Variants in ZNF280D observed in about 807,000 individuals in gnomAD.
ZNF280D encodes suppressor of hairy wing homolog 4.
In ZNF280D, 39 loss-of-function variants were observed where a neutral mutation model predicts 94.7. The ratio of observed to expected loss-of-function variants is 0.41; its 90% confidence interval spans 0.32 to 0.54. The LOEUF (loss-of-function observed/expected upper bound fraction) is 0.54. ZNF280D is among the 20% of genes least tolerant of loss of function. The probability of loss-of-function intolerance (pLI) is 0.22; values close to 1 mark genes in which losing one functional copy is unlikely to be tolerated. For missense variants in ZNF280D, 1,090 were observed against 1,149.3 expected (o/e 0.95, Z 0.75); for synonymous variants, 398 against 377.6 (o/e 1.05, Z -0.63).
chr15:56,649,982 T>C (rs909845666), intron 19 of ZNF280D, among the ~76,000 whole-genome samples: 1 of 152,088 alleles, frequency 6.6e-6, no homozygotes, highest in African/African-American at 2.4e-5. Flanking sequence ...TCTCTTCTGA[T>C]ACAGCATTTC....
chr15:56,678,258 T>C lies in ZNF280D; in HGVS notation c.1162+406A>G, dbSNP rs148864906. Among the ~76,000 whole-genome samples, 797 of 152,280 alleles carry C rather than the reference T, an allele frequency of 5.2e-3. 12 individuals are homozygous for C. Among genetic ancestry groups the C allele is most frequent in the African/African-American group, 0.018 (761 of 41,560 alleles). On this transcript the variant is annotated intron_variant, in intron 11 of 21. Coordinates refer to ENST00000267807, the MANE Select transcript of ZNF280D (RefSeq NM_017661.4). Reference sequence around the variant, plus strand: ...CCTGGCCTCAAGTGATCTGCCCACATTGGCCTCCCAAAGTGCTGACTGGGA... The same window carrying C: ...CCTGGCCTCAAGTGATCTGCCCACACTGGCCTCCCAAAGTGCTGACTGGGA...
intron 1 of ZNF280D, among the ~76,000 whole-genome samples, chr15:56,714,772 A>C (rs1384524320): frequency 6.6e-6 from 1 of 152,206 alleles, no homozygotes; most frequent in Non-Finnish European, 1.5e-5. Flanking sequence ...AGCCAAAACA[A>C]TTCTCCAAGT....
rs2058211693 is a variant in ZNF280D at position 56,719,300 on chromosome 15, G to C, written c.-85-11994C>G. Among the ~76,000 whole-genome samples, 7 of 151,414 alleles carry C rather than the reference G, an allele frequency of 4.6e-5. No homozygotes were observed. The South Asian group carries it at 1.5e-3, about 31-fold the overall frequency. On this transcript the variant is annotated intron_variant, in intron 1 of 21. Coordinates refer to ENST00000267807, the MANE Select transcript of ZNF280D (RefSeq NM_017661.4). ...CCTCACGGTAATGAGTGAGTTTTCA[G>C]TCTATTAGTTCCCACAAGAAATGGT...
Position 56,723,212 on chromosome 15 carries a change from AAAACTT to A in ZNF280D, c.-86+10240_-86+10245del. The stretch of plus-strand genomic sequence containing the variant: ...CCTGCACAATGTGCACATGTACCCT[AAAACTT>A]AAAGTATAATAATAAAAAAATAAAT... On this transcript the variant is annotated intron_variant, in intron 1 of 21. Transcript: ENST00000267807. Among the ~76,000 whole-genome samples the A allele has an allele frequency of 2.0e-5, 3 of 148,298 alleles. No individual in the cohort carries two copies. The South Asian group carries it at 6.5e-4, about 32-fold the overall frequency.
At chr15:56,683,210 A>T (rs2055755532) in intron 9 of ZNF280D, among the ~76,000 whole-genome samples, 1 of 152,162 alleles carries the variant, frequency 6.6e-6, no homozygotes, top group African/African-American at 2.4e-5. Flanking sequence ...TCTATAAAAG[A>T]GCTGAATAAT....
intron 16 of ZNF280D, among the ~76,000 whole-genome samples, chr15:56,658,978 T>C (rs1300670055): frequency 6.6e-6 from 1 of 152,030 alleles, no homozygotes; most frequent in Non-Finnish European, 1.5e-5. Flanking sequence ...CTGTTTACCA[T>C]CTGTAAATTC....
At chr15:56,665,042 GA>G (rs200691842) in intron 16 of ZNF280D, among the ~76,000 whole-genome samples, 7 of 150,294 alleles carry the variant, frequency 4.7e-5, no homozygotes, top group Admixed American at 3.3e-4. Context: ...GTAGTTTCAA[GA>G]AAAAAAAAGA....
chr15:56,668,568 GA>G (rs2054457715), intron 14 of ZNF280D, among the ~76,000 whole-genome samples: 1 of 151,926 alleles, frequency 6.6e-6, no homozygotes, highest in Admixed American at 6.6e-5. Flanking sequence ...ATAAAATATT[GA>G]AACAACCCAT....
At chr15:56,712,715 T>C (rs1397752659) in intron 1 of ZNF280D, among the ~76,000 whole-genome samples, 2 of 148,068 alleles carry the variant, frequency 1.4e-5, no homozygotes, top group Admixed American at 6.8e-5. Flanking sequence ...AACACAAAAG[T>C]GATTATGAGG....
chr15:56,632,854 T>C (rs2052151571), intron 21 of ZNF280D, among the ~76,000 whole-genome samples: 1 of 152,096 alleles, frequency 6.6e-6, no homozygotes, highest in African/African-American at 2.4e-5. Context: ...CAGATAAGCA[T>C]TCAAACATAT....
chr15:56,729,688 A>G (rs1173880835), intron 1 of ZNF280D: 2 of 152,222 alleles, frequency 1.3e-5, no homozygotes, highest in African/African-American at 4.8e-5. Flanking sequence ...GGAAGTTACC[A>G]AGAAGAAATT....
intron 16 of ZNF280D, among the ~76,000 whole-genome samples, chr15:56,663,842 G>T (rs2054113993): frequency 6.6e-6 from 1 of 152,112 alleles, no homozygotes; most frequent in Admixed American, 6.5e-5. Context: ...TGAGGTTGCA[G>T]TGAGCTTTGA....
chr15:56,726,288 A>C (rs1018035463), intron 1 of ZNF280D, among the ~76,000 whole-genome samples: 6 of 152,040 alleles, frequency 3.9e-5, no homozygotes, highest in Admixed American at 3.9e-4. Context: ...TGGAACTCTA[A>C]CTGTCCAAAT....
chr15:56,707,780 T>C (rs2057502934), intron 1 of ZNF280D, among the ~76,000 whole-genome samples: 1 of 152,044 alleles, frequency 6.6e-6, no homozygotes, highest in Non-Finnish European at 1.5e-5. Flanking sequence ...CATCATAGAT[T>C]AATTCATTCA....
intron 6 of ZNF280D, 29 bp from the exon 7 acceptor site, chr15:56,693,244 AC>A (rs1325346476): frequency 1.6e-5 from 15 of 914,252 alleles, no homozygotes; most frequent in Non-Finnish European, 1.9e-5. Flanking sequence ...GAAAAATAAT[AC>A]ATTTATTCAA....
intron 6 of ZNF280D, among the ~76,000 whole-genome samples, chr15:56,693,532 A>G (rs551421463): frequency 6.6e-6 from 1 of 152,166 alleles, no homozygotes; most frequent in African/African-American, 2.4e-5. Context: ...AACTTCTTCA[A>G]GGTAAAAGAA....
intron 7 of ZNF280D, among the ~76,000 whole-genome samples, chr15:56,690,083 TATATGAAAGGACAC>T (rs1185354289): frequency 6.6e-6 from 1 of 152,182 alleles, no homozygotes; most frequent in Non-Finnish European, 1.5e-5. Context: ...TTCATTCATT[TATATGAAAGGACAC>T]ATAGGCCAGG....
chr15:56,687,517 T>C (rs1409139473), intron 9 of ZNF280D, among the ~76,000 whole-genome samples: 3 of 152,126 alleles, frequency 2.0e-5, no homozygotes, highest in African/African-American at 7.2e-5. Context: ...TAAAAAATTA[T>C]TTTCTTTGAG....
intron 1 of ZNF280D, among the ~76,000 whole-genome samples, chr15:56,726,370 C>G (rs2058632037): frequency 6.6e-6 from 1 of 152,024 alleles, no homozygotes; most frequent in Non-Finnish European, 1.5e-5. Context: ...TTGAGCAGTT[C>G]TTTTTAGAAA....
Sources: gnomAD v4.1 joint callset for allele counts (sites outside exome capture counted in the v4.1 genomes callset) on GRCh38, gnomAD v4.1.1 for gene constraint, MANE v1.5 for transcripts, NCBI Gene and HGNC (gene_info 2026-07-23, HGNC 2026-07-21) for gene names.